PTPRN2: variants seen among roughly 807,000 people sequenced by gnomAD.
The protein encoded by PTPRN2 is receptor-type tyrosine-protein phosphatase N2.
Under a neutral mutation model 118.8 loss-of-function variants are expected in PTPRN2, and 74 were observed. The observed-to-expected ratio is 0.62, with a 90% CI of 0.52 to 0.76. The LOEUF (loss-of-function observed/expected upper bound fraction) is 0.76, where lower values mean the gene tolerates loss of function less well. Ranked by LOEUF, PTPRN2 falls within the 30% of genes least tolerant of loss-of-function variation. The pLI is 0.00. For synonymous variants in PTPRN2, 641 were observed against 608.0 expected (o/e 1.05, Z -0.80); for missense variants, 1,481 against 1,394.4 (o/e 1.06, Z -0.99).
At chr7:157,749,521 T>A (rs1282322741) in intron 12 of PTPRN2, among the ~76,000 whole-genome samples, 2 of 140,742 alleles carry the variant, frequency 1.4e-5, no homozygotes, top group Admixed American at 7.7e-5. Flanking sequence ...AGCTGCGGGC[T>A]GTTGAGGTGA....
chr7:158,011,532 T>C lies in PTPRN2; in HGVS notation c.1723+69766A>G, dbSNP rs370514512. On this transcript the variant is annotated intron_variant, in intron 11 of 22. Coordinates refer to ENST00000389418, the MANE Select transcript of PTPRN2 (RefSeq NM_002847.5). ...CACCGACGATCACCATATTAAGTGG[T>C]AGAAAATGGTACAAATTAAGAACAT... is the stretch of plus-strand genomic sequence containing the variant. Among the ~76,000 whole-genome samples, 7 of 152,304 alleles carry C rather than the reference T, an allele frequency of 4.6e-5. No individual in the cohort carries two copies. In the South Asian group the frequency reaches 1.5e-3, roughly 32 times the overall value.
In PTPRN2 at chr7:158,004,542, C is replaced by T. The variant is rs998504603; in HGVS notation, c.1723+76756G>A. Among the ~76,000 whole-genome samples the T allele has an allele frequency of 2.8e-4, 43 of 152,296 alleles. No individual in the cohort carries two copies. The Middle Eastern group carries it at 0.01, about 36-fold the overall frequency. Reference sequence around the variant, plus strand: ...TTTCACTGGGTTTGCTGCTTGTTTACATTATATTTCTCTGAGATAACAGAA... The same window carrying T: ...TTTCACTGGGTTTGCTGCTTGTTTATATTATATTTCTCTGAGATAACAGAA... On this transcript the variant is annotated intron_variant, in intron 11 of 22. Coordinates refer to ENST00000389418, the MANE Select transcript of PTPRN2 (RefSeq NM_002847.5).
chr7:158,002,838 G>A (rs1227589802), intron 11 of PTPRN2, among the ~76,000 whole-genome samples: 2 of 152,218 alleles, frequency 1.3e-5, no homozygotes, highest in South Asian at 2.1e-4. Context: ...AACAAGCCCC[G>A]TGAGGTGGGG....
At chr7:157,740,344 G>A (rs1417640682) in intron 12 of PTPRN2, 6 of 140,770 alleles carry the variant, frequency 4.3e-5, no homozygotes, top group South Asian at 2.2e-4. Flanking sequence ...AAATTGCTTC[G>A]GCTTCAGCTC....
At chr7:158,490,845 G>A (rs1478568153) in intron 1 of PTPRN2, among the ~76,000 whole-genome samples, 3 of 152,244 alleles carry the variant, frequency 2.0e-5, no homozygotes, top group Non-Finnish European at 4.4e-5. Flanking sequence ...ACTGTGCAGT[G>A]ACTGTGGATT....
chr7:158,370,077 C>T (rs1248818997), intron 2 of PTPRN2, among the ~76,000 whole-genome samples: 1 of 152,152 alleles, frequency 6.6e-6, no homozygotes, highest in African/African-American at 2.4e-5. Context: ...AGGTGATCAA[C>T]ACTGCAGGAG....
At chr7:158,124,976 G>C (rs929749417) in intron 9 of PTPRN2, among the ~76,000 whole-genome samples, 3 of 152,254 alleles carry the variant, frequency 2.0e-5, no homozygotes, top group African/African-American at 7.2e-5. Context: ...AAGAGGCTCA[G>C]ATGGCCTGGA....
At chr7:158,482,598 C>A (rs139265094) in intron 2 of PTPRN2, among the ~76,000 whole-genome samples, 1 of 152,272 alleles carries the variant, frequency 6.6e-6, no homozygotes, top group East Asian at 1.9e-4. Context: ...TAGACCACAG[C>A]CTAGTAAAAT....
At chr7:158,502,925 TACTGTGTCCATCAGCC>T in intron 1 of PTPRN2, among the ~76,000 whole-genome samples, 2 of 143,588 alleles carry the variant, frequency 1.4e-5, no homozygotes, top group African/African-American at 5.3e-5. Context: ...GTCCATCAAC[TACTGTGTCCATCAGCC>T]ACTGTGTCCA....
intron 2 of PTPRN2, among the ~76,000 whole-genome samples, chr7:158,351,586 C>T (rs1374881871): frequency 6.6e-6 from 1 of 152,150 alleles, no homozygotes; most frequent in Non-Finnish European, 1.5e-5. Context: ...TGGTTACCTA[C>T]GAGTGAAATG....
chr7:157,969,237 G>A (rs905046123), intron 11 of PTPRN2, among the ~76,000 whole-genome samples: 1 of 152,064 alleles, frequency 6.6e-6, no homozygotes, highest in South Asian at 2.1e-4. Context: ...AACCTCCCAG[G>A]TAGCTGGGAC....
At chr7:158,063,317 A>C (rs544843129) in intron 11 of PTPRN2, among the ~76,000 whole-genome samples, 3 of 152,254 alleles carry the variant, frequency 2.0e-5, no homozygotes, top group South Asian at 2.1e-4. Flanking sequence ...GTCTAGCTCA[A>C]GGTTTATAAA....
chr7:158,105,494 C>T (rs1417892329), intron 10 of PTPRN2, among the ~76,000 whole-genome samples: 1 of 151,700 alleles, frequency 6.6e-6, no homozygotes. Context: ...ATCCCATCTC[C>T]ACTCAGCTAC....
At position 158,309,832 on chromosome 7, in the gene PTPRN2, C is replaced by T. The variant is rs7790889; in HGVS notation, c.277+6987G>A. 2.2e-3 allele frequency among the ~76,000 whole-genome samples: 335 copies of T among 152,250 alleles called. 3 individuals are homozygous for T. Among genetic ancestry groups the T allele is most frequent in the African/African-American group, 7.4e-3 (307 of 41,532 alleles). ...AATGTTGACATCCTCCCCAAACGTA[C>T]GTGCTGGAATTCTGATCCCCAGTGT... On this transcript the variant is annotated intron_variant, in intron 3 of 22. Transcript: ENST00000389418.
chr7:157,788,714 C>G (rs1401218325), intron 12 of PTPRN2, among the ~76,000 whole-genome samples: 1 of 152,310 alleles, frequency 6.6e-6, no homozygotes, highest in South Asian at 2.1e-4. Context: ...AACTGCCATG[C>G]AGGAGGCCTC....
At chr7:158,277,945 G>A (rs1464301179) in intron 3 of PTPRN2, among the ~76,000 whole-genome samples, 1 of 152,210 alleles carries the variant, frequency 6.6e-6, no homozygotes, top group African/African-American at 2.4e-5. Context: ...CACACAAGGG[G>A]GGGATGGGAG....
In PTPRN2 at chr7:157,962,323, G is replaced by A. The variant is rs574228601; in HGVS notation, c.1724-63586C>T. 1.6e-4 allele frequency among the ~76,000 whole-genome samples: 25 copies of A among 152,026 alleles called. No individual in the cohort carries two copies. In the South Asian group the frequency reaches 3.9e-3, roughly 24 times the overall value. ...TGAATGGCCACACTTCAGCAGGAGTGTTATTCCACCAGCGGGAGCGTTATT... is the reference window on the plus strand; with the variant it reads ...TGAATGGCCACACTTCAGCAGGAGTATTATTCCACCAGCGGGAGCGTTATT... On this transcript the variant is annotated intron_variant, in intron 11 of 22. Coordinates refer to ENST00000389418, the MANE Select transcript of PTPRN2 (RefSeq NM_002847.5).
chr7:158,115,979 C>A (rs774430206), intron 9 of PTPRN2, among the ~76,000 whole-genome samples: 2 of 152,200 alleles, frequency 1.3e-5, no homozygotes, highest in Non-Finnish European at 2.9e-5. Flanking sequence ...AGGTGAGTAA[C>A]TGGGAACTTG....
At chr7:158,518,426 C>G (rs576017502) in intron 1 of PTPRN2, among the ~76,000 whole-genome samples, 2 of 152,280 alleles carry the variant, frequency 1.3e-5, no homozygotes, top group East Asian at 3.9e-4. Context: ...TTAGCAAAGG[C>G]CATACTCAGT....
Sources: gnomAD v4.1 joint callset for allele counts (sites outside exome capture counted in the v4.1 genomes callset) on GRCh38, gnomAD v4.1.1 for gene constraint, MANE v1.5 for transcripts, NCBI Gene and HGNC (gene_info 2026-07-23, HGNC 2026-07-21) for gene names.